Variants in LRRC41 observed in about 807,000 individuals in gnomAD.
LRRC41 encodes the protein leucine-rich repeat-containing protein 41.
A neutral mutation model predicts 72.1 loss-of-function variants in LRRC41; 17 were observed. The observed-to-expected ratio is 0.24, with a 90% CI of 0.16 to 0.35. The LOEUF is 0.35. Among genes scored for constraint, LRRC41 ranks in the 10% least tolerant of loss-of-function variants. LRRC41 has a pLI of 1.00. For synonymous variants in LRRC41, 427 were observed against 431.0 expected (o/e 0.99, Z 0.11); for missense variants, 759 against 1,065.0 (o/e 0.71, Z 4.00).
chr1:46,290,528 A>G (rs1177016622), intron 3 of LRRC41, among the ~76,000 whole-genome samples: 1 of 152,200 alleles, frequency 6.6e-6, no homozygotes, highest in Non-Finnish European at 1.5e-5. Context: ...CATACCATGT[A>G]TTCAAATATT....
At position 46,285,820 on chromosome 1, in the gene LRRC41, G is replaced by A; in HGVS notation, c.1037C>T (p.Ala346Val). 1.3e-6 allele frequency: 2 copies of A among 1,594,822 alleles called. No individual in the cohort carries two copies. Among genetic ancestry groups the A allele is most frequent in the Non-Finnish European group, 1.7e-6 (2 of 1,171,772 alleles). ...GGTGCCAGGAGCCTCATGGGAGGTGGCTGGGGGGTGCAGCTCCCTCTTAAG... is the reference window on the plus strand; with the variant it reads ...GGTGCCAGGAGCCTCATGGGAGGTGACTGGGGGGTGCAGCTCCCTCTTAAG... ...TDLKRELHPPATSHEAPGTKR... is the reference protein window; with the variant it reads ...TDLKRELHPPVTSHEAPGTKR... Residue 346 changes from alanine to valine, a missense_variant, in exon 4 of 10, where the codon GCC becomes GTC. This residue lies in a region of LRRC41 where 427 missense variants were observed against 520.9 expected (regional missense o/e 0.82). Coordinates refer to ENST00000617190, the MANE Select transcript of LRRC41 (RefSeq NM_006369.5). This position sits in a 1 kb window ranked among gnomAD's most constrained non-coding sequence, Gnocchi z 5.3.
At position 46,285,744 on chromosome 1, in the gene LRRC41, TGTA is replaced by T; in HGVS notation, c.1110_1112del (p.Thr371del). The T allele has an allele frequency of 6.2e-7, 1 of 1,603,698 alleles. No individual in the cohort carries two copies. The highest frequency in any genetic ancestry group is 8.5e-7 in the Non-Finnish European group (1 of 1,174,718). ...TAGCTGGTGCCCGTTTGTATGAGGA[TGTA>T]GAAGAAGAGGCAGAGGAGGTGGCTG... is the stretch of plus-strand genomic sequence containing the variant. On this transcript the variant is annotated inframe_deletion, in exon 4 of 10. Coordinates refer to ENST00000617190, the MANE Select transcript of LRRC41 (RefSeq NM_006369.5). This position sits in a 1 kb window ranked among gnomAD's most constrained non-coding sequence, Gnocchi z 5.3.
rs1569629726 is a variant in LRRC41, at chr1:46,278,663, A to C, written c.*202T>G. ...AGGATACTGAGTAAGGGGCCCAAAG[A>C]CTATAAACCCAGCTGTGAGAATGCC... On this transcript the variant is annotated 3_prime_UTR_variant, in exon 10 of 10. Coordinates refer to ENST00000617190, the MANE Select transcript of LRRC41 (RefSeq NM_006369.5). 1.6e-6 allele frequency: 1 copy of C among 622,372 alleles called. No homozygotes were observed. The highest frequency in any genetic ancestry group is 2.8e-6 in the Non-Finnish European group (1 of 357,408). The allele number at this position is 622,372 out of a possible 1,614,324, so 38.6% of individuals were successfully genotyped here.
chr1:46,278,411 C>T lies in LRRC41; in HGVS notation c.*454G>A, dbSNP rs1317477104. The T allele has an allele frequency of 9.1e-7, 1 of 1,097,632 alleles. No individual in the cohort carries two copies. Among genetic ancestry groups the T allele is most frequent in the African/African-American group, 1.6e-5 (1 of 62,694 alleles). 68.0% of individuals were successfully genotyped at this position (1,097,632 alleles called of 1,614,324 possible). A position where few individuals can be genotyped will look rare whatever the true frequency, so the allele number is the denominator to read the frequency against. The stretch of plus-strand genomic sequence containing the variant: ...CAAGAAGGGCTGCATGATGTTTGCC[C>T]AAAATTTATTTTATAAGAAAAACTT... On this transcript the variant is annotated 3_prime_UTR_variant, in exon 10 of 10. Coordinates refer to ENST00000617190, the MANE Select transcript of LRRC41 (RefSeq NM_006369.5).
At chr1:46,287,535 C>G (rs1660910746) in intron 3 of LRRC41, among the ~76,000 whole-genome samples, 1 of 152,162 alleles carries the variant, frequency 6.6e-6, no homozygotes, top group Non-Finnish European at 1.5e-5. Flanking sequence ...GCTTTAAAAC[C>G]CTAATGTCTC....
At chr1:46,295,953 A>C (rs1661115895) in intron 3 of LRRC41, among the ~76,000 whole-genome samples, 1 of 151,954 alleles carries the variant, frequency 6.6e-6, no homozygotes, top group South Asian at 2.1e-4. Context: ...TCCTGACATT[A>C]GCTTTTTTTC....
In LRRC41 at chr1:46,278,767, G is replaced by A; in HGVS notation, c.*98C>T. ...AAAAAGAGAAAAAAGGTGACAGAAA[G>A]AGAAAGATAGAACTGGTGGTTGGGG... On this transcript the variant is annotated 3_prime_UTR_variant, in exon 10 of 10. Coordinates refer to ENST00000617190, the MANE Select transcript of LRRC41 (RefSeq NM_006369.5). The A allele has an allele frequency of 8.4e-7, 1 of 1,195,922 alleles. No homozygotes were observed. The highest frequency in any genetic ancestry group is 1.2e-6 in the Non-Finnish European group (1 of 832,744). The allele number at this position is 1,195,922 out of a possible 1,614,324, so 74.1% of individuals were successfully genotyped here. A position where few individuals can be genotyped will look rare whatever the true frequency, so the allele number is the denominator to read the frequency against.
At chr1:46,296,267 A>T (rs955751942) in intron 3 of LRRC41, among the ~76,000 whole-genome samples, 1 of 152,166 alleles carries the variant, frequency 6.6e-6, no homozygotes, top group Non-Finnish European at 1.5e-5. Flanking sequence ...ATACAAAAAA[A>T]TTAGCTGGGT....
rs1179428393 is a variant in LRRC41, at chr1:46,285,095, A to G, written c.1495+267T>C. 6.0e-6 allele frequency: 3 copies of G among 503,022 alleles called. No individual in the cohort carries two copies. The highest frequency in any genetic ancestry group is 1.1e-5 in the Non-Finnish European group (3 of 274,790). 31.2% of individuals were successfully genotyped at this position (503,022 alleles called of 1,614,324 possible). A position where few individuals can be genotyped will look rare whatever the true frequency, so the allele number is the denominator to read the frequency against. On this transcript the variant is annotated intron_variant, in intron 4 of 9. Transcript: ENST00000617190. The surrounding 1 kb of genome is among the most constrained non-coding windows in gnomAD (Gnocchi z 5.3). ...CACCTGCCCTTGGACTGCCTTCCAT[A>G]TCTAAAATGTATTCATTCTTCAGAT... is the stretch of plus-strand genomic sequence containing the variant.
At chr1:46,284,326 G>C (rs1024405136) in intron 4 of LRRC41, 1 of 152,140 alleles carries the variant, frequency 6.6e-6, no homozygotes, top group Non-Finnish European at 1.5e-5. Flanking sequence ...TGGTTGCCTG[G>C]GTTTTGAATC....
In LRRC41 at chr1:46,278,915, C is replaced by T. The variant is rs1660705430; in HGVS notation, c.2389G>A (p.Asp797Asn). The T allele has an allele frequency of 1.2e-6, 2 of 1,613,468 alleles. No homozygotes were observed. The highest frequency in any genetic ancestry group is 1.7e-6 in the Non-Finnish European group (2 of 1,179,930). The change falls in exon 10 of 10, where the codon GAC becomes AAC. Residue 797 changes from aspartate to asparagine, a missense_variant. Coordinates refer to ENST00000617190, the MANE Select transcript of LRRC41 (RefSeq NM_006369.5). The part of the protein sequence containing the change: ...RLRATCHVVS[D>N]SWDSSQAFAD... ...AAGGCCTGGGATGAGTCCCATGAGT[C>T]GCTAACCACATGGCAGGTAGCCCGG...
rs746553748 is a variant in LRRC41 at position 46,277,828 on chromosome 1, TGAG to T, written c.*1034_*1036del. 2.4e-5 allele frequency: 38 copies of T among 1,608,198 alleles called. No individual in the cohort carries two copies. Among genetic ancestry groups the T allele is most frequent in the African/African-American group, 6.7e-5 (5 of 74,754 alleles). On this transcript the variant is annotated 3_prime_UTR_variant, in exon 10 of 10. Coordinates refer to ENST00000617190, the MANE Select transcript of LRRC41 (RefSeq NM_006369.5). Reference sequence around the variant, plus strand: ...CTCCTCTTCCCCAGGCAGGGACCATTGAGGAGAAGATCTTCCAGCGTCAGAGCC... The same window carrying T: ...CTCCTCTTCCCCAGGCAGGGACCATTGAGAAGATCTTCCAGCGTCAGAGCC...
intron 3 of LRRC41, among the ~76,000 whole-genome samples, chr1:46,289,249 A>T (rs1438766030): frequency 6.6e-6 from 1 of 152,224 alleles, no homozygotes; most frequent in Non-Finnish European, 1.5e-5. Flanking sequence ...TTCAACCTGA[A>T]TCTGGGTCTG....
Position 46,278,794 on chromosome 1 carries a change from T to G in LRRC41, c.*71A>C, listed in dbSNP as rs763054021. ...GAAAGATAGAACTGGTGGTTGGGGTTCTGGGCAGCCCATGCTTCAGCCCCT... is the reference window on the plus strand; with the variant it reads ...GAAAGATAGAACTGGTGGTTGGGGTGCTGGGCAGCCCATGCTTCAGCCCCT... On this transcript the variant is annotated 3_prime_UTR_variant, in exon 10 of 10. Coordinates refer to ENST00000617190, the MANE Select transcript of LRRC41 (RefSeq NM_006369.5). 1 of 1,422,124 alleles carries G rather than the reference T, an allele frequency of 7.0e-7. No homozygotes were observed. Among genetic ancestry groups the G allele is most frequent in the Non-Finnish European group, 9.8e-7 (1 of 1,022,380 alleles). The allele number at this position is 1,422,124 out of a possible 1,614,324, so 88.1% of individuals were successfully genotyped here.
At chr1:46,291,565 T>TG (rs1661018112) in intron 3 of LRRC41, among the ~76,000 whole-genome samples, 1 of 141,828 alleles carries the variant, frequency 7.1e-6, no homozygotes, top group Non-Finnish European at 1.5e-5. Context: ...TTTTTTTTTT[T>TG]TTTTTTTTTT....
At chr1:46,288,739 A>G (rs1279303408) in intron 3 of LRRC41, among the ~76,000 whole-genome samples, 1 of 152,226 alleles carries the variant, frequency 6.6e-6, no homozygotes, top group African/African-American at 2.4e-5. Flanking sequence ...AATAGTTAGG[A>G]ATGACTTCCT....
rs763604816 is a variant in LRRC41, at chr1:46,281,339, C to T, written c.1542G>A (p.Leu514=). ...IFRLLDSLRA[L]SGQAGCRLRA... ...GGAGGCGACATCCAGCCTGGCCTGA[C>T]AGGGCCCGCAGGCTGTCTAGCAGGC... Residue 514 remains leucine, a synonymous_variant, in exon 5 of 10, where the codon CTG becomes CTA. Coordinates refer to ENST00000617190, the MANE Select transcript of LRRC41 (RefSeq NM_006369.5). 1 of 1,614,174 alleles carries T rather than the reference C, an allele frequency of 6.2e-7. No homozygotes were observed. The highest frequency in any genetic ancestry group is 1.3e-5 in the African/African-American group (1 of 75,044).
At position 46,277,657 on chromosome 1, in the gene LRRC41, G is replaced by A; in HGVS notation, c.*1208C>T. 1.2e-6 allele frequency: 1 copy of A among 803,708 alleles called. No homozygotes were observed. The highest frequency in any genetic ancestry group is 2.0e-6 in the Non-Finnish European group (1 of 498,662). The allele number at this position is 803,708 out of a possible 1,614,324, so 49.8% of individuals were successfully genotyped here. On this transcript the variant is annotated 3_prime_UTR_variant, in exon 10 of 10. Transcript: ENST00000617190. ...TTCTCAGGAGACAGACTGGGAAAATGGACCTCAGCTGAGTAGAGATAATGT... is the reference window on the plus strand; with the variant it reads ...TTCTCAGGAGACAGACTGGGAAAATAGACCTCAGCTGAGTAGAGATAATGT...
chr1:46,278,922 C>A lies in LRRC41; in HGVS notation c.2382G>T (p.Val794=). 3.1e-6 allele frequency: 5 copies of A among 1,613,752 alleles called. No homozygotes were observed. The highest frequency in any genetic ancestry group is 4.2e-6 in the Non-Finnish European group (5 of 1,180,002). The change falls in exon 10 of 10, where the codon GTG becomes GTT. Residue 794 remains valine (V), a synonymous_variant. Coordinates refer to ENST00000617190, the MANE Select transcript of LRRC41 (RefSeq NM_006369.5). ...AIRRLRATCH[V]VSDSWDSSQA... Reference sequence around the variant, plus strand: ...GGGATGAGTCCCATGAGTCGCTAACCACATGGCAGGTAGCCCGGAGCCGCC... The same window carrying A: ...GGGATGAGTCCCATGAGTCGCTAACAACATGGCAGGTAGCCCGGAGCCGCC...
Sources: gnomAD v4.1 joint callset for allele counts (sites outside exome capture counted in the v4.1 genomes callset) on GRCh38, gnomAD v4.1.1 for gene constraint, gnomAD v4.1.1 regional missense constraint, Gnocchi (gnomAD v3.1) non-coding constraint, MANE v1.5 for transcripts, NCBI Gene and HGNC (gene_info 2026-07-23, HGNC 2026-07-21) for gene names.